CCDC88C: variants seen among roughly 807,000 people sequenced by gnomAD.
CCDC88C encodes protein Daple.
CCDC88C carries 131 observed loss-of-function variants against 198.8 expected under a neutral mutation model. The observed-to-expected ratio is 0.66, with a 90% CI of 0.57 to 0.76. The LOEUF is 0.76. Among genes scored for constraint, CCDC88C ranks in the 30% least tolerant of loss-of-function variants. CCDC88C has a pLI of 0.00. For missense variants in CCDC88C, 2,553 were observed against 2,631.6 expected (o/e 0.97, Z 0.65); for synonymous variants, 1,166 against 1,114.7 (o/e 1.05, Z -0.92).
chr14:91,273,730 GCCCC>G lies in CCDC88C; in HGVS notation c.5059-81_5059-78del. The G allele has an allele frequency of 1.6e-6, 2 of 1,280,222 alleles. No individual in the cohort carries two copies. Among genetic ancestry groups the G allele is most frequent in the Non-Finnish European group, 2.1e-6 (2 of 973,722 alleles). The allele number at this position is 1,280,222 out of a possible 1,614,324, so 79.3% of individuals were successfully genotyped here. A position where few individuals can be genotyped will look rare whatever the true frequency, so the allele number is the denominator to read the frequency against. On this transcript the variant is annotated intron_variant, in intron 29 of 29. Transcript: ENST00000389857. This position sits in a 1 kb window ranked among gnomAD's most constrained non-coding sequence, Gnocchi z 5.6. Reference sequence around the variant, plus strand: ...CTTGGAGCCGCCTCCTGCGCGGGACGCCCCCGAGCAGCCCACGTGGCTGGGACCG... The same window carrying G: ...CTTGGAGCCGCCTCCTGCGCGGGACGCGAGCAGCCCACGTGGCTGGGACCG...
chr14:91,276,053 C>T (rs1450536099), intron 29 of CCDC88C, among the ~76,000 whole-genome samples: 2 of 152,182 alleles, frequency 1.3e-5, no homozygotes, highest in African/African-American at 2.4e-5. Flanking sequence ...ATCTCCTGAC[C>T]TCGTGATCCG....
At chr14:91,369,351 C>T (rs936291899) in intron 3 of CCDC88C, among the ~76,000 whole-genome samples, 9 of 152,108 alleles carry the variant, frequency 5.9e-5, no homozygotes, top group African/African-American at 1.7e-4. Flanking sequence ...GGATTACAGG[C>T]GCCTGCCGTC....
At chr14:91,357,577 G>A (rs1428716331) in intron 4 of CCDC88C, among the ~76,000 whole-genome samples, 1 of 152,236 alleles carries the variant, frequency 6.6e-6, no homozygotes, top group Non-Finnish European at 1.5e-5. Context: ...CGGAGTGGCT[G>A]TCCCCTCCTT....
intron 13 of CCDC88C, among the ~76,000 whole-genome samples, chr14:91,320,024 C>CAAAAAAAA (rs61102058): frequency 6.2e-4 from 15 of 24,174 alleles, no homozygotes; most frequent in African/African-American, 7.4e-4. Context: ...AACTCAGTCT[C>CAAAAAAAA]AAAAAAAAAA....
chr14:91,315,015 C>G (rs1411476081), intron 14 of CCDC88C, among the ~76,000 whole-genome samples: 1 of 152,134 alleles, frequency 6.6e-6, no homozygotes, highest in Non-Finnish European at 1.5e-5. Context: ...AACTAAAATA[C>G]TTGGTGCCCT....
rs1889744526 is a variant in CCDC88C at position 91,271,770 on chromosome 14, T to C, written c.*855A>G. The C allele has an allele frequency of 6.6e-6, 1 of 152,592 alleles. No homozygotes were observed. Among genetic ancestry groups the C allele is most frequent in the Non-Finnish European group, 1.5e-5 (1 of 68,046 alleles). The allele number at this position is 152,592 out of a possible 1,614,324, so 9.5% of individuals were successfully genotyped here. On this transcript the variant is annotated 3_prime_UTR_variant, in exon 30 of 30. Transcript: ENST00000389857. ...GGGATGTCGGGTGCCGCAGCCAGGT[T>C]ACACATCGAGCTTGCACCTCGCTCT...
At position 91,285,650 on chromosome 14, in the gene CCDC88C, C is replaced by T. The variant is rs1225715698; in HGVS notation, c.4442-2133G>A. 4 of 1,285,954 alleles carry T rather than the reference C, an allele frequency of 3.1e-6. No homozygotes were observed. The South Asian group carries it at 5.0e-5, about 16-fold the overall frequency. The allele number at this position is 1,285,954 out of a possible 1,614,324, so 79.7% of individuals were successfully genotyped here. ...AATGAAGGAGGGTACACAATACAGACACATGATAAAGGAAAGGGATTAGAA... is the reference window on the plus strand; with the variant it reads ...AATGAAGGAGGGTACACAATACAGATACATGATAAAGGAAAGGGATTAGAA... On this transcript the variant is annotated intron_variant, in intron 25 of 29. Coordinates refer to ENST00000389857, the MANE Select transcript of CCDC88C (RefSeq NM_001080414.4).
intron 6 of CCDC88C, among the ~76,000 whole-genome samples, chr14:91,341,654 A>G (rs970985645): frequency 6.6e-6 from 1 of 152,214 alleles, no homozygotes; most frequent in Non-Finnish European, 1.5e-5. Context: ...AAAGCACACA[A>G]TGCTTATTTT....
intron 3 of CCDC88C, among the ~76,000 whole-genome samples, chr14:91,367,832 G>A (rs537575393): frequency 3.9e-4 from 59 of 152,080 alleles, no homozygotes; most frequent in Admixed American, 4.6e-4. Context: ...CGCTTCCCAC[G>A]AGGGTGCCCT....
chr14:91,415,159 T>A (rs1172281034), intron 2 of CCDC88C, among the ~76,000 whole-genome samples: 1 of 152,076 alleles, frequency 6.6e-6, no homozygotes, highest in African/African-American at 2.4e-5. Flanking sequence ...ATTGCGCCAA[T>A]GGAATCCAGT....
At chr14:91,302,121 GTCA>G (rs1278101761) in intron 20 of CCDC88C, among the ~76,000 whole-genome samples, 2 of 152,170 alleles carry the variant, frequency 1.3e-5, no homozygotes, top group East Asian at 3.9e-4. Flanking sequence ...ATAAATGAAT[GTCA>G]TCACCACCCA....
At position 91,304,046 on chromosome 14, in the gene CCDC88C, C is replaced by A. The variant is rs900348626; in HGVS notation, c.3358-68G>T. 9 of 1,543,580 alleles carry A rather than the reference C, an allele frequency of 5.8e-6. No homozygotes were observed. In the African/African-American group the frequency reaches 6.8e-5, roughly 12 times the overall value. ...CAGCGAGGAGGGCTGGGGAGCAGGT[C>A]AAGTGCTCGAGCAGACACGAAAATA... On this transcript the variant is annotated intron_variant, in intron 19 of 29. Transcript: ENST00000389857.
intron 4 of CCDC88C, among the ~76,000 whole-genome samples, chr14:91,347,252 G>A (rs1403922714): frequency 3.9e-5 from 6 of 152,144 alleles, no homozygotes; most frequent in African/African-American, 7.2e-5. Context: ...TACTCTATTC[G>A]CAGCAAAGTC....
intron 3 of CCDC88C, among the ~76,000 whole-genome samples, chr14:91,403,286 G>A (rs1002328596): frequency 6.6e-6 from 1 of 152,158 alleles, no homozygotes; most frequent in East Asian, 1.9e-4. Flanking sequence ...GTGTGGACTC[G>A]ATGACAAAGA....
chr14:91,300,155 T>A, intron 20 of CCDC88C, 85 bp from the exon 21 acceptor site: 2 of 1,518,478 alleles, frequency 1.3e-6, no homozygotes, highest in South Asian at 2.4e-5. Flanking sequence ...TCTGCGTGCC[T>A]CCCGTGAGAA....
chr14:91,314,086 G>A lies in CCDC88C; in HGVS notation c.1730C>T (p.Ser577Leu), dbSNP rs368499200. The A allele has an allele frequency of 4.3e-5, 70 of 1,613,434 alleles. No homozygotes were observed. The African/African-American group carries it at 5.6e-4, about 13-fold the overall frequency. Residue 577 changes from serine to leucine, a missense_variant, in exon 15 of 30, where the codon TCG becomes TTG. This residue lies in a region of CCDC88C where 1,260 missense variants were observed against 1,412.0 expected (regional missense o/e 0.89). Coordinates refer to ENST00000389857, the MANE Select transcript of CCDC88C (RefSeq NM_001080414.4). ...NRAMWSLRER[S>L]QVSSEARMKD... is the part of the protein sequence containing the mutation. ...CATGCGGGCCTCACTGCTGACCTGC[G>A]ACCTCTCCCGCAGCGACCACATGGC...
intron 4 of CCDC88C, among the ~76,000 whole-genome samples, chr14:91,357,428 T>C (rs1596108250): frequency 6.6e-6 from 1 of 152,338 alleles, no homozygotes; most frequent in Middle Eastern, 3.4e-3. Flanking sequence ...AACTTTTTTA[T>C]TTTTTGTAGA....
intron 23 of CCDC88C, among the ~76,000 whole-genome samples, chr14:91,292,169 C>T (rs555982392): frequency 3.3e-4 from 50 of 152,326 alleles, no homozygotes; most frequent in South Asian, 6.2e-4. Flanking sequence ...AGCCACGCTC[C>T]GCTCCCAGTC....
chr14:91,331,214 G>C (rs563339453), intron 10 of CCDC88C, among the ~76,000 whole-genome samples: 1 of 152,290 alleles, frequency 6.6e-6, no homozygotes, highest in Non-Finnish European at 1.5e-5. Flanking sequence ...AGCCCAGGGA[G>C]AGGCAGCTGG....
Sources: gnomAD v4.1 joint callset for allele counts (sites outside exome capture counted in the v4.1 genomes callset) on GRCh38, gnomAD v4.1.1 for gene constraint, gnomAD v4.1.1 regional missense constraint, Gnocchi (gnomAD v3.1) non-coding constraint, MANE v1.5 for transcripts, NCBI Gene and HGNC (gene_info 2026-07-23, HGNC 2026-07-21) for gene names.